STK33: variants seen among roughly 807,000 people sequenced by gnomAD.
STK33 encodes the protein serine/threonine kinase 33.
In STK33, 52 loss-of-function variants were observed where a neutral mutation model predicts 58.0. That is an observed-to-expected ratio of 0.90 (90% CI 0.72 to 1.13). STK33 has a LOEUF of 1.13. Ranked by LOEUF, STK33 falls within the 50% of genes most tolerant of loss-of-function variation. STK33 has a pLI of 0.00. For missense variants in STK33, 630 were observed against 604.2 expected, an observed-to-expected ratio of 1.04 and a Z score of -0.45; for synonymous variants, 215 against 200.1, an observed-to-expected ratio of 1.07 and a Z score of -0.63.
intron 14 of STK33, among the ~76,000 whole-genome samples, chr11:8,424,928 T>C (rs1379169226): frequency 7.4e-6 from 1 of 135,856 alleles, no homozygotes; most frequent in Non-Finnish European, 1.6e-5. Flanking sequence ...TCTCCCATTC[T>C]GTAGGTTGCC....
At chr11:8,386,252 G>A in the STK33 span, among the ~76,000 whole-genome samples, 1 of 152,204 alleles carries the variant, frequency 6.6e-6, no homozygotes, top group African/African-American at 2.4e-5. Flanking sequence ...CACGGGCTGG[G>A]CTACACAGTA....
chr11:8,428,302 A>T (rs1433557808), intron 14 of STK33, among the ~76,000 whole-genome samples: 1 of 152,216 alleles, frequency 6.6e-6, no homozygotes, highest in Admixed American at 6.5e-5. Flanking sequence ...GTGAAGGGAT[A>T]TGTAAGCACT....
At chr11:8,395,178 C>A (rs1211795974) in intron 15 of STK33, among the ~76,000 whole-genome samples, 2 of 152,154 alleles carry the variant, frequency 1.3e-5, no homozygotes, top group Non-Finnish European at 2.9e-5. Context: ...TGTCCCCACC[C>A]AAGTCTTATC....
intron 11 of STK33, among the ~76,000 whole-genome samples, chr11:8,451,100 G>A (rs1352524775): frequency 6.6e-6 from 1 of 152,148 alleles, no homozygotes; most frequent in Non-Finnish European, 1.5e-5. Flanking sequence ...TCGAAGATAT[G>A]GAGAAACTGG....
intron 1 of STK33, among the ~76,000 whole-genome samples, chr11:8,536,972 A>ATCTTTTT (rs1955070178): frequency 1.4e-4 from 9 of 65,732 alleles, no homozygotes; most frequent in East Asian, 5.8e-4. Flanking sequence ...AAAAAAAAAG[A>ATCTTTTT]TTTTTTTTTT....
At chr11:8,579,122 T>C (rs1958384094) in intron 1 of STK33, among the ~76,000 whole-genome samples, 1 of 152,074 alleles carries the variant, frequency 6.6e-6, no homozygotes, top group African/African-American at 2.4e-5. Context: ...TTTTAAAATG[T>C]GTGGCATTCA....
the STK33 span, among the ~76,000 whole-genome samples, chr11:8,384,093 G>A: frequency 1.3e-5 from 2 of 152,198 alleles, no homozygotes; most frequent in African/African-American, 2.4e-5. Context: ...GGCACAAGCT[G>A]TTCCAATATA....
intron 14 of STK33, 64 bp downstream of exon 14, chr11:8,435,430 A>G (rs2136252950): frequency 2.2e-6 from 2 of 926,230 alleles, no homozygotes; most frequent in Non-Finnish European, 3.0e-6. Flanking sequence ...AAACTCCAAG[A>G]CAAAATAAAA....
chr11:8,446,557 A>C (rs901751008), intron 11 of STK33, among the ~76,000 whole-genome samples: 6 of 152,146 alleles, frequency 3.9e-5, no homozygotes, highest in African/African-American at 1.4e-4. Context: ...ATACTACCTG[A>C]CTTCAAACTA....
chr11:8,572,857 T>C (rs1591848379), intron 1 of STK33, among the ~76,000 whole-genome samples: 1 of 151,824 alleles, frequency 6.6e-6, no homozygotes, highest in Admixed American at 6.6e-5. Context: ...GGCATAGTAA[T>C]AGGAACTATC....
chr11:8,410,003 A>C (rs1590832513), intron 15 of STK33, among the ~76,000 whole-genome samples: 1 of 152,218 alleles, frequency 6.6e-6, no homozygotes, highest in East Asian at 1.9e-4. Context: ...ATGATATTTT[A>C]AGGGCTGTGC....
chr11:8,411,405 G>A (rs1940218528), intron 15 of STK33, among the ~76,000 whole-genome samples: 2 of 152,196 alleles, frequency 1.3e-5, no homozygotes, highest in Admixed American at 1.3e-4. Context: ...CGAGGCATTT[G>A]GAACTAAGGG....
chr11:8,381,120 G>T, the STK33 span, among the ~76,000 whole-genome samples: 9 of 152,114 alleles, frequency 5.9e-5, no homozygotes, highest in Non-Finnish European at 1.2e-4. Context: ...CAGAAGGAGT[G>T]CTGGGTGGCG....
the STK33 span, among the ~76,000 whole-genome samples, chr11:8,344,268 G>T: frequency 6.7e-6 from 1 of 150,100 alleles, no homozygotes; most frequent in African/African-American, 2.5e-5. Context: ...TGTAGTTCTA[G>T]CTACTCAGGA....
At chr11:8,453,815 G>T (rs576583471) in intron 10 of STK33, among the ~76,000 whole-genome samples, 4 of 152,190 alleles carry the variant, frequency 2.6e-5, no homozygotes, top group Non-Finnish European at 4.4e-5. Flanking sequence ...TTTCTAAACA[G>T]ATGAATCAAT....
chr11:8,571,158 A>G (rs1957782054), intron 1 of STK33, among the ~76,000 whole-genome samples: 1 of 152,170 alleles, frequency 6.6e-6, no homozygotes, highest in African/African-American at 2.4e-5. Context: ...AGCTTAGTTG[A>G]GGGTAAGAGC....
intron 6 of STK33, chr11:8,465,565 T>C (rs1288698655): frequency 6.6e-6 from 1 of 152,184 alleles, no homozygotes; most frequent in Non-Finnish European, 1.5e-5. Context: ...ATCAATTTGG[T>C]TTTGGGGGAG....
intron 1 of STK33, among the ~76,000 whole-genome samples, chr11:8,586,822 TAAAAAAAAAAAAAAA>T (rs56064924): frequency 1.3e-5 from 1 of 78,220 alleles, no homozygotes; most frequent in African/African-American, 5.2e-5. Flanking sequence ...AGACTCTGTC[TAAAAAAAAAAAAAAA>T]AAAAAAAAAA....
intron 14 of STK33, among the ~76,000 whole-genome samples, chr11:8,414,467 A>G (rs565214178): frequency 4.5e-4 from 68 of 152,276 alleles, no homozygotes; most frequent in African/African-American, 1.6e-3. Context: ...TTAGATTAAA[A>G]TGAGAAGTTC....
Sources: gnomAD v4.1 joint callset for allele counts (sites outside exome capture counted in the v4.1 genomes callset) on GRCh38, gnomAD v4.1.1 for gene constraint, MANE v1.5 for transcripts, NCBI Gene and HGNC (gene_info 2026-07-23, HGNC 2026-07-21) for gene names.